The following NELL1 variants were observed in gnomAD, a reference collection of about 807,000 sequenced individuals.
NELL1 encodes neural EGFL like 1.
In NELL1, 76 loss-of-function variants were observed where a neutral mutation model predicts 107.4. That is an observed-to-expected ratio of 0.71 (90% CI 0.59 to 0.86). NELL1 has a LOEUF of 0.86. NELL1 is among the 40% of genes least tolerant of loss of function. The pLI, the probability that NELL1 is intolerant of heterozygous loss-of-function variation, is 0.00. For synonymous variants in NELL1, 353 were observed against 341.2 expected (o/e 1.03, Z -0.38); for missense variants, 1,024 against 1,005.5 (o/e 1.02, Z -0.25).
At chr11:21,157,294 A>T (rs1011248408) in intron 13 of NELL1, among the ~76,000 whole-genome samples, 7 of 152,014 alleles carry the variant, frequency 4.6e-5, no homozygotes, top group Non-Finnish European at 1.0e-4. Context: ...ACTCAATCTG[A>T]TTATCTCTAC....
intron 12 of NELL1, among the ~76,000 whole-genome samples, chr11:21,075,492 G>T (rs746306506): frequency 6.6e-6 from 1 of 152,010 alleles, no homozygotes; most frequent in Admixed American, 6.6e-5. Flanking sequence ...TTGAGACAGG[G>T]TCTCACTCTG....
intron 13 of NELL1, among the ~76,000 whole-genome samples, chr11:21,118,592 G>A (rs1459569506): frequency 6.6e-6 from 1 of 152,034 alleles, no homozygotes; most frequent in African/African-American, 2.4e-5. Context: ...CTTTTCAAAT[G>A]TTTCATTGCC....
chr11:21,491,532 G>C (rs1404606457), intron 15 of NELL1, among the ~76,000 whole-genome samples: 3 of 151,934 alleles, frequency 2.0e-5, no homozygotes, highest in African/African-American at 7.3e-5. Flanking sequence ...ATTTCTGAGG[G>C]CTCTGTTCTG....
At chr11:21,430,697 G>C (rs1267066517) in intron 15 of NELL1, among the ~76,000 whole-genome samples, 1 of 152,072 alleles carries the variant, frequency 6.6e-6, no homozygotes, top group Non-Finnish European at 1.5e-5. Flanking sequence ...CACCACTCAG[G>C]CTTCAAGCAC....
intron 15 of NELL1, among the ~76,000 whole-genome samples, chr11:21,492,057 A>C (rs1424145257): frequency 2.6e-5 from 4 of 152,196 alleles, no homozygotes; most frequent in Non-Finnish European, 4.4e-5. Context: ...AGGAAAAAAC[A>C]AACAATCCCA....
intron 13 of NELL1, among the ~76,000 whole-genome samples, chr11:21,134,668 A>G (rs1230311702): frequency 6.6e-6 from 1 of 152,176 alleles, no homozygotes; most frequent in Non-Finnish European, 1.5e-5. Context: ...TGGTTAGAAC[A>G]TCTGATCTAT....
chr11:21,237,402 A>G (rs576359394), intron 14 of NELL1, among the ~76,000 whole-genome samples: 67 of 152,234 alleles, frequency 4.4e-4, no homozygotes, highest in African/African-American at 1.5e-3. Context: ...ACATGGTTCT[A>G]GATTTATTTT....
At chr11:21,553,133 A>G (rs1856630603) in intron 16 of NELL1, among the ~76,000 whole-genome samples, 2 of 151,954 alleles carry the variant, frequency 1.3e-5, no homozygotes, top group African/African-American at 4.8e-5. Flanking sequence ...CCCTGTGACT[A>G]AGACCTTTCC....
chr11:21,550,291 G>C (rs182422258), intron 16 of NELL1, among the ~76,000 whole-genome samples: 8 of 151,914 alleles, frequency 5.3e-5, no homozygotes, highest in Non-Finnish European at 5.9e-5. Flanking sequence ...TTTGTAGGTT[G>C]CCTGTTCACT....
chr11:21,160,511 C>G (rs72936409), intron 13 of NELL1, among the ~76,000 whole-genome samples: 1 of 152,028 alleles, frequency 6.6e-6, no homozygotes, highest in African/African-American at 2.4e-5. Flanking sequence ...AAAAAGGAGA[C>G]AAGATTTTCC....
At chr11:20,903,704 C>T (rs1849929760) in intron 5 of NELL1, among the ~76,000 whole-genome samples, 2 of 152,008 alleles carry the variant, frequency 1.3e-5, no homozygotes, top group Non-Finnish European at 2.9e-5. Context: ...TCCTGGAAGG[C>T]TTGTTAAAAC....
At chr11:20,702,823 G>A (rs1329708987) in intron 2 of NELL1, among the ~76,000 whole-genome samples, 2 of 152,092 alleles carry the variant, frequency 1.3e-5, no homozygotes, top group African/African-American at 4.8e-5. Flanking sequence ...ATTGATTTGT[G>A]TATGTTGAAG....
chr11:20,992,709 ATTTTTT>A (rs56048576), intron 12 of NELL1, among the ~76,000 whole-genome samples: 2,755 of 114,524 alleles, frequency 0.024, 82 homozygotes, highest in African/African-American at 0.083. Context: ...CAAAAGTGGC[ATTTTTT>A]TTTTTTTTTT....
chr11:20,803,422 T>G (rs1320207616), intron 3 of NELL1, among the ~76,000 whole-genome samples: 1 of 152,222 alleles, frequency 6.6e-6, no homozygotes, highest in Non-Finnish European at 1.5e-5. Flanking sequence ...GTCTCTGATT[T>G]TATTTGTTAT....
At chr11:21,564,344 G>C (rs1856921489) in intron 17 of NELL1, among the ~76,000 whole-genome samples, 2 of 151,958 alleles carry the variant, frequency 1.3e-5, no homozygotes, top group Non-Finnish European at 2.9e-5. Flanking sequence ...TAGAGACTTA[G>C]TGTCTGTGGT....
intron 14 of NELL1, among the ~76,000 whole-genome samples, chr11:21,267,078 GTA>G (rs1848650308): frequency 6.6e-6 from 1 of 151,962 alleles, no homozygotes; most frequent in Non-Finnish European, 1.5e-5. Context: ...GGATTTATAG[GTA>G]TGTTTCTTTT....
chr11:20,973,400 G>A lies in NELL1; in HGVS notation c.1300+12840G>A, dbSNP rs989376396. 6.6e-5 allele frequency among the ~76,000 whole-genome samples: 10 copies of A among 152,232 alleles called. No homozygotes were observed. The East Asian group carries it at 9.7e-4, about 15-fold the overall frequency. On this transcript the variant is annotated intron_variant, in intron 12 of 19. Coordinates refer to ENST00000357134, the MANE Select transcript of NELL1 (RefSeq NM_006157.5). ...TGGGATTACAGGCATGAGCCACTGC[G>A]TCCAGCCTCTTCGTTACTTTTTCTT...
At position 20,744,432 on chromosome 11, in the gene NELL1, A is replaced by T. The variant is rs557794233; in HGVS notation, c.185-39248A>T. 3.7e-3 allele frequency among the ~76,000 whole-genome samples: 560 copies of T among 152,328 alleles called. 2 individuals carry two copies. Among genetic ancestry groups the T allele is most frequent in the African/African-American group, 0.013 (539 of 41,574 alleles). On this transcript the variant is annotated intron_variant, in intron 2 of 19. Coordinates refer to ENST00000357134, the MANE Select transcript of NELL1 (RefSeq NM_006157.5). ...CTATTGCTGTATAACACACTACTCT[A>T]AAACTCAGGAGCATACATTGGTAAG...
At chr11:21,495,650 C>T (rs1001729288) in intron 15 of NELL1, among the ~76,000 whole-genome samples, 2 of 152,132 alleles carry the variant, frequency 1.3e-5, no homozygotes, top group Non-Finnish European at 2.9e-5. Context: ...TCAAGTTTCT[C>T]TACATCCTTA....
Sources: allele counts gnomAD v4.1 joint callset (sites outside exome capture counted in the v4.1 genomes callset), GRCh38; gene constraint gnomAD v4.1.1; transcripts MANE v1.5; gene names NCBI Gene and HGNC (gene_info 2026-07-23, HGNC 2026-07-21).